Variants in ABCG2 observed in about 807,000 individuals in gnomAD.
ABCG2 encodes the protein broad substrate specificity ATP-binding cassette transporter ABCG2.
ABCG2 carries 80 observed loss-of-function variants against 73.5 expected under a neutral mutation model. The ratio of observed to expected loss-of-function variants is 1.09; its 90% confidence interval spans 0.91 to 1.31. The LOEUF is 1.31. ABCG2 is among the 50% of genes most tolerant of loss of function. The probability of loss-of-function intolerance (pLI) is 0.00; values close to 1 mark genes in which losing one functional copy is unlikely to be tolerated. For missense variants in ABCG2, 796 were observed against 786.2 expected (o/e 1.01, Z -0.15); for synonymous variants, 269 against 282.4 (o/e 0.95, Z 0.48).
At chr4:88,159,047 C>T (rs1036899445), upstream of ABCG2, 6 of 427,308 alleles carry the variant, frequency 1.4e-5, no homozygotes, top group African/African-American at 1.2e-4. Context: ...CGCGCTGAGC[C>T]GCCAGCAGGA....
In ABCG2 at chr4:88,125,607, CAAAA is replaced by C. The variant is rs70957302; in HGVS notation, c.532-3819_532-3816del. ...TGGGCAACAGAGCAAGACTCTGTCT[CAAAA>C]AAAAAAAAAAAAAAAAAAAAAAAAA... On this transcript the variant is annotated intron_variant, in intron 5 of 15. Transcript: ENST00000237612. Among the ~76,000 whole-genome samples the C allele has an allele frequency of 4.0e-4, 14 of 34,974 alleles. No individual in the cohort carries two copies. The East Asian group carries it at 0.01, about 25-fold the overall frequency. 22.9% of individuals were successfully genotyped at this position (34,974 alleles called of 152,430 possible).
At chr4:88,094,221 T>C (rs1465177135) in intron 15 of ABCG2, among the ~76,000 whole-genome samples, 1 of 152,170 alleles carries the variant, frequency 6.6e-6, no homozygotes, top group African/African-American at 2.4e-5. Flanking sequence ...TCAGGAACCA[T>C]AAGCCCTTGA....
chr4:88,211,366 C>G lies in ABCG2; in HGVS notation c.-20+19628G>C, dbSNP rs905318369. On this transcript the variant is annotated intron_variant, in intron 1 of 15. Transcript: ENST00000515655. ...GTAATTGTTCAACCCCTGCCCCACC[C>G]CCCCCCACTTTTGGAGACCCCAGTG... Among the ~76,000 whole-genome samples the G allele has an allele frequency of 1.0e-4, 13 of 125,262 alleles. 1 individual carries two copies. Among genetic ancestry groups the G allele is most frequent in the African/African-American group, 2.8e-4 (10 of 35,626 alleles). The allele number at this position is 125,262 out of a possible 152,430, so 82.2% of individuals were successfully genotyped here. A position where few individuals can be genotyped will look rare whatever the true frequency, so the allele number is the denominator to read the frequency against.
intron 1 of ABCG2, among the ~76,000 whole-genome samples, chr4:88,168,502 C>A (rs1267120225): frequency 1.3e-5 from 2 of 148,704 alleles, no homozygotes; most frequent in African/African-American, 2.5e-5. Context: ...AAAAAAAGTT[C>A]ATTTGGTTAT....
chr4:88,132,518 T>C, intron 3 of ABCG2, 58 bp downstream of exon 3: 1 of 1,591,750 alleles, frequency 6.3e-7, no homozygotes, highest in Non-Finnish European at 8.6e-7. Context: ...AAAAAGTGGC[T>C]TTTAAAAGCA....
chr4:88,130,043 T>TA (rs911800774), intron 5 of ABCG2, among the ~76,000 whole-genome samples: 3 of 151,966 alleles, frequency 2.0e-5, no homozygotes, highest in South Asian at 4.2e-4. Flanking sequence ...GAAAGGCTAT[T>TA]AAAAAAAACA....
At chr4:88,217,150 T>C (rs1307490264) in intron 1 of ABCG2, among the ~76,000 whole-genome samples, 2 of 152,126 alleles carry the variant, frequency 1.3e-5, no homozygotes, top group African/African-American at 4.8e-5. Context: ...TATAATATCG[T>C]CCATGATCAT....
intron 1 of ABCG2, among the ~76,000 whole-genome samples, chr4:88,181,074 G>A (rs901398559): frequency 1.3e-5 from 2 of 152,078 alleles, no homozygotes; most frequent in African/African-American, 4.8e-5. Flanking sequence ...TTGTTAGTTT[G>A]TTTATGCAAT....
exon 1 of ABCG2, chr4:88,231,233 G>A (rs1317592493): frequency 6.6e-6 from 1 of 152,164 alleles, no homozygotes; most frequent in African/African-American, 2.4e-5. Flanking sequence ...CAGCTACCAG[G>A]GAACATTGAG....
intron 10 of ABCG2, among the ~76,000 whole-genome samples, chr4:88,104,971 T>A (rs1722678814): frequency 6.6e-6 from 1 of 152,180 alleles, no homozygotes; most frequent in African/African-American, 2.4e-5. Context: ...AAATGCTTCC[T>A]GCTGCACAAT....
intron 1 of ABCG2, among the ~76,000 whole-genome samples, chr4:88,207,471 C>T (rs1017857834): frequency 4.6e-5 from 7 of 152,088 alleles, no homozygotes; most frequent in African/African-American, 7.2e-5. Context: ...TCTTTCTGTT[C>T]GAGGACAAGA....
chr4:88,223,426 G>A lies in ABCG2; in HGVS notation c.-20+7568C>T, dbSNP rs112461477. Among the ~76,000 whole-genome samples the A allele has an allele frequency of 3.3e-3, 498 of 152,216 alleles. 1 individual carries two copies. Among genetic ancestry groups the A allele is most frequent in the Non-Finnish European group, 5.3e-3 (359 of 68,006 alleles). The stretch of plus-strand genomic sequence containing the variant: ...GGGCAGTTACCTTCATGCTGTTCTC[G>A]TGACAGTGAGTTCTCATGAGATCTG... On this transcript the variant is annotated intron_variant, in intron 1 of 15. Transcript: ENST00000515655.
intron 1 of ABCG2, 100 bp from the exon 2 acceptor site, chr4:88,140,114 G>C (rs906093416): frequency 4.5e-5 from 43 of 952,562 alleles, no homozygotes; most frequent in Non-Finnish European, 6.6e-5. Flanking sequence ...TTAAATGTGC[G>C]GCAATGAGCA....
At chr4:88,111,602 AGAAATTATGAT>A (rs1723136795) in intron 9 of ABCG2, among the ~76,000 whole-genome samples, 1 of 152,204 alleles carries the variant, frequency 6.6e-6, no homozygotes, top group African/African-American at 2.4e-5. Flanking sequence ...ACTTAAGTAT[AGAAATTATGAT>A]GCACAAGTTT....
chr4:88,209,514 T>C (rs1729508818), intron 1 of ABCG2, among the ~76,000 whole-genome samples: 1 of 151,394 alleles, frequency 6.6e-6, no homozygotes, highest in Non-Finnish European at 1.5e-5. Flanking sequence ...AATACAAAAA[T>C]TATCCAGGCG....
intron 6 of ABCG2, among the ~76,000 whole-genome samples, chr4:88,120,234 G>T (rs1723875217): frequency 6.6e-6 from 1 of 152,206 alleles, no homozygotes; most frequent in East Asian, 1.9e-4. Flanking sequence ...CAACTTTAGG[G>T]GTGGAGCCCT....
chr4:88,138,075 G>T (rs1725373397), intron 2 of ABCG2, among the ~76,000 whole-genome samples: 2 of 152,174 alleles, frequency 1.3e-5, no homozygotes, highest in South Asian at 4.1e-4. Context: ...GAGCCCAGGA[G>T]TTGGAGCTTA....
At chr4:88,193,050 C>T (rs1370219242) in intron 1 of ABCG2, among the ~76,000 whole-genome samples, 1 of 151,910 alleles carries the variant, frequency 6.6e-6, no homozygotes, top group East Asian at 1.9e-4. Flanking sequence ...TGACAATGTG[C>T]CCTTTCAAAA....
intron 13 of ABCG2, among the ~76,000 whole-genome samples, 173 bp from the exon 14 acceptor site, chr4:88,095,782 G>A (rs1403179862): frequency 2.6e-5 from 4 of 152,138 alleles, no homozygotes; most frequent in Admixed American, 1.3e-4. Flanking sequence ...TCCTCTGCAT[G>A]TGCACATCTC....
Sources: gnomAD v4.1 joint callset for allele counts (sites outside exome capture counted in the v4.1 genomes callset) on GRCh38, gnomAD v4.1.1 for gene constraint, MANE v1.5 for transcripts, NCBI Gene and HGNC (gene_info 2026-07-23, HGNC 2026-07-21) for gene names.